EPM2A: variants seen among roughly 807,000 people sequenced by gnomAD.
The protein encoded by EPM2A is EPM2A glucan phosphatase, laforin, also known as laforin.
Under a neutral mutation model 26.5 loss-of-function variants are expected in EPM2A, and 21 were observed. That is an observed-to-expected ratio of 0.79 (90% CI 0.56 to 1.14). EPM2A has a LOEUF of 1.14. Among genes scored for constraint, EPM2A ranks in the 50% most tolerant of loss-of-function variants. The probability of loss-of-function intolerance (pLI) is 0.00; values close to 1 mark genes in which losing one functional copy is unlikely to be tolerated. For missense variants in EPM2A, 458 were observed against 440.8 expected, an observed-to-expected ratio of 1.04 and a Z score of -0.35; for synonymous variants, 217 against 177.6, an observed-to-expected ratio of 1.22 and a Z score of -1.76.
At chr6:145,488,520 T>TGAGAGA (rs1215856544) in intron 4 of EPM2A, among the ~76,000 whole-genome samples, 50 of 136,608 alleles carry the variant, frequency 3.7e-4, no homozygotes, top group African/African-American at 1.2e-3. Context: ...TGTGTGTGTG[T>TGAGAGA]GTGAGAGAGA....
intron 4 of EPM2A, among the ~76,000 whole-genome samples, chr6:145,421,152 GCT>G (rs530281038): frequency 4.1e-4 from 62 of 152,264 alleles, no homozygotes; most frequent in Admixed American, 3.3e-3. Context: ...GTTTTTGCAA[GCT>G]CTCTTTTTTT....
At chr6:145,718,135 A>T (rs1168903689) in intron 1 of EPM2A, among the ~76,000 whole-genome samples, 1 of 152,042 alleles carries the variant, frequency 6.6e-6, no homozygotes, top group Admixed American at 6.5e-5. Flanking sequence ...GTTCATATGG[A>T]ACCAAAAAAG....
At position 145,625,592 on chromosome 6, in the gene EPM2A, T is replaced by A; in HGVS notation, c.*1824A>T. 1 of 711,774 alleles carries A rather than the reference T, an allele frequency of 1.4e-6. No individual in the cohort carries two copies. The highest frequency in any genetic ancestry group is 2.6e-6 in the Non-Finnish European group (1 of 381,602). 44.1% of individuals were successfully genotyped at this position (711,774 alleles called of 1,614,324 possible). On this transcript the variant is annotated 3_prime_UTR_variant, in exon 4 of 4. Coordinates refer to ENST00000367519, the MANE Select transcript of EPM2A (RefSeq NM_005670.4). ...AAATTTTCACAACACATTATGACTG[T>A]AAATGAGTTACCTGAATACCAATTA...
Position 145,626,050 on chromosome 6 carries a change from C to A in EPM2A, c.*1366G>T. On this transcript the variant is annotated 3_prime_UTR_variant, in exon 4 of 4. Transcript: ENST00000367519. The stretch of plus-strand genomic sequence containing the variant: ...ATCTTTATCATGGAGATAATGAGAC[C>A]TTCTTCATTGGATATTGTGAAGATT... 1.8e-6 allele frequency: 2 copies of A among 1,140,628 alleles called. No homozygotes were observed. Among genetic ancestry groups the A allele is most frequent in the Non-Finnish European group, 2.2e-6 (2 of 905,492 alleles). 70.7% of individuals were successfully genotyped at this position (1,140,628 alleles called of 1,614,324 possible).
At chr6:145,551,860 AC>A (rs1780659521) in intron 2 of EPM2A, among the ~76,000 whole-genome samples, 1 of 148,848 alleles carries the variant, frequency 6.7e-6, no homozygotes, top group African/African-American at 2.5e-5. Context: ...ATGTACTTAA[AC>A]TTTTTTTTTT....
chr6:145,521,439 A>C (rs377023496), intron 2 of EPM2A, among the ~76,000 whole-genome samples: 1 of 152,374 alleles, frequency 6.6e-6, no homozygotes, highest in African/African-American at 2.4e-5. Context: ...AAATATAAAA[A>C]TGTGACCAGT....
At chr6:145,561,153 CTT>C (rs11326955) in intron 2 of EPM2A, among the ~76,000 whole-genome samples, 177 of 141,656 alleles carry the variant, frequency 1.2e-3, no homozygotes, top group Middle Eastern at 3.7e-3. Flanking sequence ...TCTTTTATAC[CTT>C]TTTTTTTTTT....
intron 2 of EPM2A, among the ~76,000 whole-genome samples, chr6:145,578,184 A>G (rs1781061419): frequency 6.6e-6 from 1 of 152,110 alleles, no homozygotes; most frequent in Non-Finnish European, 1.5e-5. Context: ...AGAAGAAGAG[A>G]AATAATAAAG....
chr6:145,585,658 T>C (rs1781186445), intron 2 of EPM2A, among the ~76,000 whole-genome samples: 1 of 152,226 alleles, frequency 6.6e-6, no homozygotes, highest in South Asian at 2.1e-4. Flanking sequence ...TGTTTCTTTG[T>C]ATATCTGATA....
intron 2 of EPM2A, among the ~76,000 whole-genome samples, chr6:145,509,439 A>G (rs1780023188): frequency 6.6e-6 from 1 of 152,174 alleles, no homozygotes; most frequent in Non-Finnish European, 1.5e-5. Flanking sequence ...CATTTTTAGC[A>G]TTTTTAAAGA....
intron 1 of EPM2A, among the ~76,000 whole-genome samples, chr6:145,693,826 A>G (rs1347959391): frequency 2.0e-5 from 3 of 152,024 alleles, no homozygotes; most frequent in African/African-American, 4.8e-5. Flanking sequence ...TTTCTTCAGA[A>G]CAGTTTTAGC....
At chr6:145,426,517 G>C (rs535523071) in intron 4 of EPM2A, among the ~76,000 whole-genome samples, 1 of 152,140 alleles carries the variant, frequency 6.6e-6, no homozygotes, top group Admixed American at 6.5e-5. Flanking sequence ...GATACTAAAG[G>C]GTTGAAAATA....
At chr6:145,652,328 CTT>C (rs1293085070) in intron 2 of EPM2A, among the ~76,000 whole-genome samples, 2 of 152,052 alleles carry the variant, frequency 1.3e-5, no homozygotes, top group Non-Finnish European at 2.9e-5. Flanking sequence ...TTTGCCACCT[CTT>C]TTTGTTTGTT....
At chr6:145,660,281 T>C (rs1440182026) in intron 2 of EPM2A, among the ~76,000 whole-genome samples, 1 of 152,112 alleles carries the variant, frequency 6.6e-6, no homozygotes, top group Non-Finnish European at 1.5e-5. Flanking sequence ...CTTGTCTAAA[T>C]GTAAGGGAAA....
At chr6:145,467,497 A>G (rs1449920248) in intron 4 of EPM2A, among the ~76,000 whole-genome samples, 1 of 152,152 alleles carries the variant, frequency 6.6e-6, no homozygotes, top group Non-Finnish European at 1.5e-5. Flanking sequence ...TTTAGCTGCT[A>G]TACAGCTTTA....
At chr6:145,607,642 T>TG (rs1376650568) in intron 2 of EPM2A, among the ~76,000 whole-genome samples, 4 of 152,076 alleles carry the variant, frequency 2.6e-5, no homozygotes, top group African/African-American at 9.7e-5. Context: ...AAATGAAATT[T>TG]GGTCTTGCAA....
At chr6:145,480,768 C>T (rs929051146) in intron 4 of EPM2A, among the ~76,000 whole-genome samples, 3 of 151,950 alleles carry the variant, frequency 2.0e-5, no homozygotes, top group Admixed American at 6.6e-5. Flanking sequence ...TTTATGATTT[C>T]CTCCTATTTC....
At chr6:145,702,956 A>G (rs1313141552) in intron 1 of EPM2A, among the ~76,000 whole-genome samples, 1 of 152,220 alleles carries the variant, frequency 6.6e-6, no homozygotes, top group Non-Finnish European at 1.5e-5. Flanking sequence ...CAAATGTAAG[A>G]GTTAACTTTT....
intron 1 of EPM2A, among the ~76,000 whole-genome samples, chr6:145,714,130 G>T (rs1040188198): frequency 1.4e-4 from 21 of 152,108 alleles, no homozygotes; most frequent in African/African-American, 5.1e-4. Context: ...TTTTGGAATG[G>T]CAAAAATGTC....
Sources: allele counts gnomAD v4.1 joint callset (sites outside exome capture counted in the v4.1 genomes callset), GRCh38; gene constraint gnomAD v4.1.1; transcripts MANE v1.5; gene names NCBI Gene and HGNC (gene_info 2026-07-23, HGNC 2026-07-21).